PCLO: variants seen among roughly 807,000 people sequenced by gnomAD.
The protein encoded by PCLO is protein piccolo.
A neutral mutation model predicts 427.5 loss-of-function variants in PCLO; 82 were observed. That is an observed-to-expected ratio of 0.19 (90% CI 0.16 to 0.23). The LOEUF is 0.23. Ranked by LOEUF, PCLO falls within the 10% of genes least tolerant of loss-of-function variation. The probability of loss-of-function intolerance (pLI) is 1.00; values close to 1 mark genes in which losing one functional copy is unlikely to be tolerated. For synonymous variants in PCLO, 2,357 were observed against 2,155.4 expected (o/e 1.09, Z -2.59); for missense variants, 6,239 against 6,115.9 (o/e 1.02, Z -0.67).
Position 83,044,639 on chromosome 7 carries a change from G to A in PCLO, c.3301-78152C>T, listed in dbSNP as rs372523949. ...TAAAATTTGTTGAGGGTTACATAAT[G>A]AAGCAAACAAAAATCATTCTCTACA... On this transcript the variant is annotated intron_variant, in intron 3 of 24. Coordinates refer to ENST00000333891, the MANE Select transcript of PCLO (RefSeq NM_033026.6). Among the ~76,000 whole-genome samples, 374 of 152,102 alleles carry A rather than the reference G, an allele frequency of 2.5e-3. 1 individual carries two copies. Among genetic ancestry groups the A allele is most frequent in the African/African-American group, 8.7e-3 (361 of 41,524 alleles).
chr7:82,988,590 T>A (rs1278931031), intron 3 of PCLO, among the ~76,000 whole-genome samples: 1 of 152,162 alleles, frequency 6.6e-6, no homozygotes, highest in African/African-American at 2.4e-5. Flanking sequence ...GTATTATTTT[T>A]AAAAATATCT....
At chr7:83,144,194 G>A (rs1791936746) in intron 2 of PCLO, among the ~76,000 whole-genome samples, 1 of 152,100 alleles carries the variant, frequency 6.6e-6, no homozygotes, top group Non-Finnish European at 1.5e-5. Context: ...GGCTAAGCGG[G>A]GCAGATCACC....
At position 82,824,388 on chromosome 7, in the gene PCLO, T is replaced by A; in HGVS notation, c.14444A>T (p.His4815Leu). ...EVLIDLSSTS[H>L]LDNTPRWYPL... ...ATACCACCTTGGAGTGTTATCGAGG[T>A]GAGATGTGCTAGATAAATCAATCAA... Residue 4815 changes from histidine to leucine, a missense_variant, in exon 19 of 25, where the codon CAC (histidine) becomes CTC (leucine). Coordinates refer to ENST00000333891, the MANE Select transcript of PCLO (RefSeq NM_033026.6). 5 of 1,610,340 alleles carry A rather than the reference T, an allele frequency of 3.1e-6. No homozygotes were observed. The highest frequency in any genetic ancestry group is 4.2e-6 in the Non-Finnish European group (5 of 1,177,750).
At position 82,966,106 on chromosome 7, in the gene PCLO, G is replaced by C; in HGVS notation, c.3682C>G (p.Arg1228Gly). Residue 1228 changes from arginine to glycine, a missense_variant, in exon 4 of 25, where the codon CGT (arginine) becomes GGT (glycine). This residue lies in a region of PCLO where 4,677 missense variants were observed against 4,468.4 expected (regional missense o/e 1.05). Transcript: ENST00000333891. Reference protein sequence around the residue: ...KKLIPEEEKIRSEEKKPLLEE... With the variant: ...KKLIPEEEKIGSEEKKPLLEE... ...AGGAGTGGCTTTTTTTCTTCAGAAC[G>C]TATCTTTTCTTCTTCAGGGATTAGT... The C allele has an allele frequency of 6.2e-7, 1 of 1,607,742 alleles. No individual in the cohort carries two copies. The highest frequency in any genetic ancestry group is 1.1e-5 in the South Asian group (1 of 89,484).
intron 6 of PCLO, among the ~76,000 whole-genome samples, chr7:82,947,163 A>G (rs1444221520): frequency 1.3e-5 from 2 of 152,102 alleles, no homozygotes; most frequent in Non-Finnish European, 2.9e-5. Context: ...AGAGGTCTCA[A>G]TCTTCATGAC....
intron 3 of PCLO, among the ~76,000 whole-genome samples, chr7:82,992,702 C>A (rs41574): frequency 0.74 from 112,651 of 151,766 alleles, 42,198 homozygotes; most frequent in East Asian, 0.92. Context: ...TGGCACACGT[C>A]TACCTATGTA....
intron 3 of PCLO, among the ~76,000 whole-genome samples, chr7:83,002,509 A>G (rs1255852311): frequency 6.6e-6 from 1 of 151,876 alleles, no homozygotes; most frequent in Admixed American, 6.6e-5. Flanking sequence ...ATCATACTTC[A>G]ATTTATTTTA....
At chr7:83,137,377 T>A (rs1228845698) in intron 2 of PCLO, among the ~76,000 whole-genome samples, 1 of 152,194 alleles carries the variant, frequency 6.6e-6, no homozygotes, top group Non-Finnish European at 1.5e-5. Flanking sequence ...AATCACAAAG[T>A]AAAATTATGA....
rs1794444356 is a variant in PCLO, at chr7:82,915,865, G to A, written c.12121C>T (p.His4041Tyr). ...ADSFYADIDH[H>Y]TPRNYVLIDD... ...ATTAGGACATAATTTCGTGGAGTAT[G>A]GTGATCAATATCTGCATAGAAAGAA... Residue 4041 changes from histidine to tyrosine, a missense_variant, in exon 7 of 25, where the codon CAT becomes TAT. Transcript: ENST00000333891. 1 of 1,613,358 alleles carries A rather than the reference G, an allele frequency of 6.2e-7. No individual in the cohort carries two copies. The highest frequency in any genetic ancestry group is 1.3e-5 in the African/African-American group (1 of 74,892).
chr7:83,069,101 C>T (rs925209230), intron 3 of PCLO, among the ~76,000 whole-genome samples: 1 of 152,070 alleles, frequency 6.6e-6, no homozygotes, highest in African/African-American at 2.4e-5. Flanking sequence ...CACAAAATTT[C>T]AATCGTAAGA....
intron 3 of PCLO, among the ~76,000 whole-genome samples, chr7:83,081,069 A>G (rs1790087752): frequency 6.6e-6 from 1 of 152,022 alleles, no homozygotes; most frequent in Admixed American, 6.6e-5. Context: ...AACCACTGAT[A>G]AGGGGTGGAC....
chr7:82,785,322 T>C (rs1790962654), intron 22 of PCLO, among the ~76,000 whole-genome samples: 1 of 152,116 alleles, frequency 6.6e-6, no homozygotes, highest in Non-Finnish European at 1.5e-5. Flanking sequence ...CTAATGCCAC[T>C]GCTGATCTGA....
At chr7:82,864,476 A>T (rs2115936858) in intron 10 of PCLO, among the ~76,000 whole-genome samples, 1 of 152,302 alleles carries the variant, frequency 6.6e-6, no homozygotes, top group Non-Finnish European at 1.5e-5. Flanking sequence ...TGGAAGGCTT[A>T]CAGCTAAAAT....
Position 82,952,333 on chromosome 7 carries a change from C to A in PCLO, c.8620G>T (p.Val2874Leu), listed in dbSNP as rs932200832. The change falls in exon 5 of 25, where the codon GTG becomes TTG. Residue 2874 changes from valine (V) to leucine (L), a missense_variant. Val to Leu is a conservative substitution (Grantham distance 32). Transcript: ENST00000333891. Reference sequence around the variant, plus strand: ...CCATTTGTGACACCAACAGGAGGCACAGTGACAGGTTTTGTAATAGCCAAT... The same window carrying A: ...CCATTTGTGACACCAACAGGAGGCAAAGTGACAGGTTTTGTAATAGCCAAT... ...VTLAITKPVTVPPVGVTNGWT... is the reference protein window; with the variant it reads ...VTLAITKPVTLPPVGVTNGWT... The A allele has an allele frequency of 6.2e-7, 1 of 1,613,852 alleles. No homozygotes were observed. Among genetic ancestry groups the A allele is most frequent in the African/African-American group, 1.3e-5 (1 of 74,928 alleles).
intron 3 of PCLO, among the ~76,000 whole-genome samples, chr7:83,117,316 C>T (rs964775446): frequency 6.6e-6 from 1 of 152,158 alleles, no homozygotes; most frequent in Admixed American, 6.5e-5. Context: ...CAGCTTCCAG[C>T]CCTTAGTTAA....
chr7:82,929,402 C>T (rs1261028617), intron 6 of PCLO, among the ~76,000 whole-genome samples: 2 of 152,042 alleles, frequency 1.3e-5, no homozygotes, highest in Admixed American at 1.3e-4. Flanking sequence ...AGTGCTGGGA[C>T]TTAATCTATG....
chr7:82,790,215 C>T (rs1304800827), intron 22 of PCLO, among the ~76,000 whole-genome samples: 1 of 152,106 alleles, frequency 6.6e-6, no homozygotes, highest in Non-Finnish European at 1.5e-5. Context: ...AACCCCAAAT[C>T]TGTGTAATTT....
intron 7 of PCLO, among the ~76,000 whole-genome samples, chr7:82,914,148 A>C (rs963744825): frequency 1.3e-5 from 2 of 152,034 alleles, no homozygotes; most frequent in African/African-American, 4.8e-5. Context: ...ACATTATACT[A>C]ACATCAAGAA....
Position 83,162,694 on chromosome 7 carries a change from G to C in PCLO, c.-102C>G. 1 of 1,400,882 alleles carries C rather than the reference G, an allele frequency of 7.1e-7. No homozygotes were observed. Among genetic ancestry groups the C allele is most frequent in the Non-Finnish European group, 9.4e-7 (1 of 1,066,034 alleles). The allele number at this position is 1,400,882 out of a possible 1,614,324, so 86.8% of individuals were successfully genotyped here. On this transcript the variant is annotated 5_prime_UTR_variant, in exon 1 of 25. Coordinates refer to ENST00000333891, the MANE Select transcript of PCLO (RefSeq NM_033026.6). ...AGTCAGAGCCGGGGTCCGCCTCGGG[G>C]CGTGCAGGCAGCCGAGTCCCTGGAC... is the stretch of plus-strand genomic sequence containing the variant.
Sources: allele counts gnomAD v4.1 joint callset (sites outside exome capture counted in the v4.1 genomes callset), GRCh38; gene constraint gnomAD v4.1.1; regional missense constraint gnomAD v4.1.1; transcripts MANE v1.5; gene names NCBI Gene and HGNC (gene_info 2026-07-23, HGNC 2026-07-21).